The following NWD2 variants were observed in gnomAD, a reference collection of about 807,000 sequenced individuals.
NWD2 encodes the protein NACHT and WD repeat domain containing 2, also known as NACHT and WD repeat domain-containing protein 2.
A neutral mutation model predicts 132.7 loss-of-function variants in NWD2; 37 were observed. That is an observed-to-expected ratio of 0.28 (90% CI 0.21 to 0.37). NWD2 has a LOEUF of 0.37. NWD2 is among the 10% of genes least tolerant of loss of function. The probability of loss-of-function intolerance (pLI) is 1.00; values close to 1 mark genes in which losing one functional copy is unlikely to be tolerated. For missense variants in NWD2, 1,592 were observed against 2,122.4 expected, an observed-to-expected ratio of 0.75 and a Z score of 4.91; for synonymous variants, 705 against 803.0, an observed-to-expected ratio of 0.88 and a Z score of 2.06.
intron 1 of NWD2, among the ~76,000 whole-genome samples, chr4:37,261,777 A>T (rs1717641274): frequency 6.6e-6 from 1 of 152,254 alleles, no homozygotes; most frequent in Admixed American, 6.5e-5. Flanking sequence ...AAGAAAAACG[A>T]AGCAAGGTAA....
At position 37,357,288 on chromosome 4, in the gene NWD2, A is replaced by G. The variant is rs991173595; in HGVS notation, c.357+806A>G. ...CCAGTGAGTGCTATGAAAAAAAATCACACCGTACTGTTAAAAACTAGATTC... is the reference window on the plus strand; with the variant it reads ...CCAGTGAGTGCTATGAAAAAAAATCGCACCGTACTGTTAAAAACTAGATTC... On this transcript the variant is annotated intron_variant, in intron 3 of 6. Coordinates refer to ENST00000309447, the MANE Select transcript of NWD2 (RefSeq NM_001144990.2). Among the ~76,000 whole-genome samples, 3 of 152,278 alleles carry G rather than the reference A, an allele frequency of 2.0e-5. No homozygotes were observed. In the East Asian group the frequency reaches 5.8e-4, roughly 29 times the overall value.
intron 3 of NWD2, among the ~76,000 whole-genome samples, chr4:37,404,223 A>G (rs1292116936): frequency 6.6e-6 from 1 of 152,210 alleles, no homozygotes; most frequent in East Asian, 1.9e-4. Flanking sequence ...TGGGAATAAC[A>G]GTATCTAACT....
chr4:37,411,869 A>G (rs1721166697), intron 3 of NWD2, among the ~76,000 whole-genome samples: 2 of 152,244 alleles, frequency 1.3e-5, no homozygotes, highest in Admixed American at 6.5e-5. Flanking sequence ...CATAAACAGA[A>G]CAAATGACAA....
chr4:37,316,887 T>G (rs1296127967), intron 1 of NWD2, among the ~76,000 whole-genome samples: 1 of 152,158 alleles, frequency 6.6e-6, no homozygotes, highest in East Asian at 1.9e-4. Flanking sequence ...CTGAGTGATG[T>G]TTTTTAGTTT....
chr4:37,244,968 T>G lies in NWD2; in HGVS notation c.-100T>G. 24 of 1,473,860 alleles carry G rather than the reference T, an allele frequency of 1.6e-5. No homozygotes were observed. Among genetic ancestry groups the G allele is most frequent in the South Asian group, 2.5e-5 (2 of 78,768 alleles). The allele number at this position is 1,473,860 out of a possible 1,614,324, so 91.3% of individuals were successfully genotyped here. A position where few individuals can be genotyped will look rare whatever the true frequency, so the allele number is the denominator to read the frequency against. On this transcript the variant is annotated 5_prime_UTR_variant, in exon 1 of 7. Transcript: ENST00000309447. The surrounding 1 kb of genome is among the most constrained non-coding windows in gnomAD (Gnocchi z 5.5). ...AGCGGCTCTGAGCCGCGCCGCCTGC[T>G]GAGATCGACCGCCTGCTGAGCCGTT... is the stretch of plus-strand genomic sequence containing the variant.
chr4:37,314,996 A>T (rs904633131), intron 1 of NWD2, among the ~76,000 whole-genome samples: 6 of 152,070 alleles, frequency 3.9e-5, no homozygotes, highest in African/African-American at 1.4e-4. Context: ...TCCTTTGTGA[A>T]TTTTTGATGC....
chr4:37,342,433 T>C (rs893105300), intron 2 of NWD2, among the ~76,000 whole-genome samples: 1 of 152,172 alleles, frequency 6.6e-6, no homozygotes, highest in Non-Finnish European at 1.5e-5. Context: ...CTTTATAAAC[T>C]TCCCAGTCTC....
chr4:37,421,374 T>A (rs1711803080), intron 3 of NWD2, among the ~76,000 whole-genome samples: 1 of 152,208 alleles, frequency 6.6e-6, no homozygotes, highest in Non-Finnish European at 1.5e-5. Context: ...CTTTCACCCT[T>A]ATGGCTGTTC....
At chr4:37,255,137 C>T (rs2109256821) in intron 1 of NWD2, among the ~76,000 whole-genome samples, 1 of 152,304 alleles carries the variant, frequency 6.6e-6, no homozygotes. Flanking sequence ...ACAGTATGTG[C>T]TGCTGTCTTT....
intron 3 of NWD2, among the ~76,000 whole-genome samples, chr4:37,389,651 A>G (rs1349348572): frequency 1.3e-5 from 2 of 152,204 alleles, no homozygotes; most frequent in African/African-American, 4.8e-5. Flanking sequence ...GGTCAGAGTG[A>G]ATACCCAACG....
chr4:37,300,866 A>G (rs1718599083), intron 1 of NWD2, among the ~76,000 whole-genome samples: 1 of 152,120 alleles, frequency 6.6e-6, no homozygotes, highest in Admixed American at 6.6e-5. Context: ...TGTCCTTTTT[A>G]ACTCCACAAA....
At chr4:37,259,727 T>G (rs2109258669) in intron 1 of NWD2, among the ~76,000 whole-genome samples, 1 of 152,012 alleles carries the variant, frequency 6.6e-6, no homozygotes, top group African/African-American at 2.4e-5. Flanking sequence ...AGCCCTAGAG[T>G]TCCCACCCCT....
intron 1 of NWD2, among the ~76,000 whole-genome samples, chr4:37,291,220 T>G (rs1458867859): frequency 6.6e-6 from 1 of 150,710 alleles, no homozygotes; most frequent in African/African-American, 2.4e-5. Context: ...CTTGCGTTAT[T>G]TAATAGTTTG....
intron 3 of NWD2, among the ~76,000 whole-genome samples, chr4:37,393,544 A>G (rs1347220169): frequency 6.6e-6 from 1 of 152,230 alleles, no homozygotes. Context: ...TAGGAAATGC[A>G]AAATGGATGC....
intron 3 of NWD2, among the ~76,000 whole-genome samples, chr4:37,421,742 C>T (rs975628806): frequency 5.9e-5 from 9 of 152,190 alleles, no homozygotes; most frequent in Admixed American, 3.9e-4. Flanking sequence ...ACACAGCAGA[C>T]CTTATGTTGA....
intron 1 of NWD2, among the ~76,000 whole-genome samples, chr4:37,245,927 C>A (rs561279648): frequency 5.9e-5 from 9 of 152,306 alleles, no homozygotes; most frequent in Admixed American, 5.9e-4. Flanking sequence ...TTGTTGATTT[C>A]TTGTTGCATT....
At position 37,443,687 on chromosome 4, in the gene NWD2, A is replaced by C; in HGVS notation, c.1699A>C (p.Ile567Leu). 2 of 1,552,110 alleles carry C rather than the reference A, an allele frequency of 1.3e-6. No individual in the cohort carries two copies. The highest frequency in any genetic ancestry group is 1.7e-6 in the Non-Finnish European group (2 of 1,147,096). Residue 567 changes from isoleucine (I) to leucine (L), a missense_variant, in exon 7 of 7, where the codon ATC becomes CTC. Physicochemically the swap from Ile to Leu is conservative, Grantham distance 5 (BLOSUM62 2). This residue lies in a region of NWD2 where 1,071 missense variants were observed against 1,398.0 expected (regional missense o/e 0.77). Transcript: ENST00000309447. This position sits in a 1 kb window ranked among gnomAD's most constrained non-coding sequence, Gnocchi z 4.1. ...CCTTATCCATGAAGAAGACAACTAC[A>C]TCGAGCTGATTCCCCGAGACAGGAA... is the stretch of plus-strand genomic sequence containing the variant. The part of the protein sequence containing the change: ...RCLIHEEDNY[I>L]ELIPRDRKMC...
At chr4:37,304,914 G>C (rs914356056) in intron 1 of NWD2, among the ~76,000 whole-genome samples, 3 of 152,178 alleles carry the variant, frequency 2.0e-5, no homozygotes, top group African/African-American at 7.2e-5. Flanking sequence ...GTGTGCGGGG[G>C]CTTCAATACC....
At position 37,444,383 on chromosome 4, in the gene NWD2, C is replaced by T; in HGVS notation, c.2395C>T (p.His799Tyr). ...CAGAAGTTTGCTGGAGGAAGAAAAGCACTTCATGGAACAGGCTTCCTTTGA... is the reference window on the plus strand; with the variant it reads ...CAGAAGTTTGCTGGAGGAAGAAAAGTACTTCATGGAACAGGCTTCCTTTGA... ...ENRSLLEEEK[H>Y]FMEQASFDRQ... The change falls in exon 7 of 7, where the codon CAC (histidine) becomes TAC (tyrosine). Residue 799 changes from histidine (H) to tyrosine (Y), a missense_variant. Physicochemically the swap from His to Tyr is moderately conservative, Grantham distance 83. Coordinates refer to ENST00000309447, the MANE Select transcript of NWD2 (RefSeq NM_001144990.2). The surrounding 1 kb of genome is among the most constrained non-coding windows in gnomAD (Gnocchi z 4.8). 1 of 1,552,168 alleles carries T rather than the reference C, an allele frequency of 6.4e-7. No individual in the cohort carries two copies. Among genetic ancestry groups the T allele is most frequent in the South Asian group, 1.2e-5 (1 of 84,058 alleles).
Sources: gnomAD v4.1 joint callset for allele counts (sites outside exome capture counted in the v4.1 genomes callset) on GRCh38, gnomAD v4.1.1 for gene constraint, gnomAD v4.1.1 regional missense constraint, Gnocchi (gnomAD v3.1) non-coding constraint, MANE v1.5 for transcripts, NCBI Gene and HGNC (gene_info 2026-07-23, HGNC 2026-07-21) for gene names.